The following UNC5D variants were observed in gnomAD, a reference collection of about 807,000 sequenced individuals.
UNC5D encodes netrin receptor UNC5D.
A neutral mutation model predicts 105.4 loss-of-function variants in UNC5D; 39 were observed. The ratio of observed to expected loss-of-function variants is 0.37; its 90% CI spans 0.29 to 0.48. UNC5D has a LOEUF of 0.48. Among genes scored for constraint, UNC5D ranks in the 20% least tolerant of loss-of-function variants. The probability of loss-of-function intolerance (pLI) is 0.98; values close to 1 mark genes in which losing one functional copy is unlikely to be tolerated. For missense variants in UNC5D, 991 were observed against 1,202.4 expected, an observed-to-expected ratio of 0.82 and a Z score of 2.60; for synonymous variants, 452 against 450.4, an observed-to-expected ratio of 1.00 and a Z score of -0.04.
chr8:35,429,647 TATAAC>T (rs1264007226), intron 1 of UNC5D, among the ~76,000 whole-genome samples: 4 of 152,192 alleles, frequency 2.6e-5, no homozygotes, highest in Non-Finnish European at 2.9e-5. Context: ...TTATCAATCT[TATAAC>T]AGTGCAATTT....
intron 1 of UNC5D, among the ~76,000 whole-genome samples, chr8:35,330,701 G>A (rs1810547283): frequency 6.6e-6 from 1 of 152,150 alleles, no homozygotes; most frequent in African/African-American, 2.4e-5. Flanking sequence ...ATATGAACGA[G>A]CCTGACTTTG....
intron 2 of UNC5D, among the ~76,000 whole-genome samples, chr8:35,552,213 A>G (rs1287748000): frequency 2.0e-5 from 3 of 152,206 alleles, no homozygotes; most frequent in African/African-American, 7.2e-5. Context: ...GAGAGAGCTT[A>G]GTGATAATCT....
At chr8:35,314,651 C>T (rs1465435255) in intron 1 of UNC5D, among the ~76,000 whole-genome samples, 4 of 152,108 alleles carry the variant, frequency 2.6e-5, no homozygotes, top group South Asian at 2.1e-4. Flanking sequence ...AAAGACATTT[C>T]GAACCTTCAA....
At position 35,616,573 on chromosome 8, in the gene UNC5D, G is replaced by A. The variant is rs542808857; in HGVS notation, c.570+20916G>A. Among the ~76,000 whole-genome samples the A allele has an allele frequency of 2.0e-5, 3 of 152,310 alleles. No individual in the cohort carries two copies. In the East Asian group the frequency reaches 5.8e-4, roughly 29 times the overall value. On this transcript the variant is annotated intron_variant, in intron 4 of 16. Coordinates refer to ENST00000404895, the MANE Select transcript of UNC5D (RefSeq NM_080872.4). The stretch of plus-strand genomic sequence containing the variant: ...CTTCTAGAGATGGTTTGGCAGGGTT[G>A]CTTAGTGCTGGTAACAACTTTGAGC...
intron 4 of UNC5D, 25 bp downstream of exon 4, chr8:35,595,682 C>A: frequency 1.9e-6 from 3 of 1,607,178 alleles, no homozygotes; most frequent in Non-Finnish European, 2.6e-6. Context: ...TGGGACCAGT[C>A]ACCGGGAGGA....
At chr8:35,443,528 G>A (rs1363614977) in intron 1 of UNC5D, among the ~76,000 whole-genome samples, 1 of 151,872 alleles carries the variant, frequency 6.6e-6, no homozygotes, top group Non-Finnish European at 1.5e-5. Flanking sequence ...GGTGGGTTTA[G>A]TTCTTTGGTG....
rs375754733 is a variant in UNC5D at position 35,722,194 on chromosome 8, C to A, written c.1118-16C>A. ...TGCCCATGCTGGTCACTTACAATTT[C>A]TCTTGTGTCTTTCAGGCATTGAGAA... On this transcript the variant is annotated splice_polypyrimidine_tract_variant and intron_variant, in intron 8 of 16. Transcript: ENST00000404895. The A allele has an allele frequency of 1.9e-6, 3 of 1,610,506 alleles. No homozygotes were observed. The highest frequency in any genetic ancestry group is 1.3e-5 in the African/African-American group (1 of 74,778).
At chr8:35,523,320 C>T (rs970355727) in intron 1 of UNC5D, among the ~76,000 whole-genome samples, 5 of 152,004 alleles carry the variant, frequency 3.3e-5, no homozygotes, top group Non-Finnish European at 7.4e-5. Flanking sequence ...TGGACATAAG[C>T]GTTCTTCCCA....
At chr8:35,768,107 G>GT (rs1441185985) in intron 15 of UNC5D, among the ~76,000 whole-genome samples, 1 of 151,676 alleles carries the variant, frequency 6.6e-6, no homozygotes, top group Non-Finnish European at 1.5e-5. Flanking sequence ...CAATTTCAAG[G>GT]TTTTTTCCTG....
intron 1 of UNC5D, among the ~76,000 whole-genome samples, chr8:35,323,784 C>T (rs1388347148): frequency 6.6e-6 from 1 of 152,278 alleles, no homozygotes; most frequent in East Asian, 1.9e-4. Context: ...CAGCATTACT[C>T]CATAATCTAT....
chr8:35,736,084 T>C (rs1829454295), intron 11 of UNC5D, among the ~76,000 whole-genome samples: 1 of 152,188 alleles, frequency 6.6e-6, no homozygotes, highest in Non-Finnish European at 1.5e-5. Flanking sequence ...GTATATGCTT[T>C]TCCTGGCACC....
At chr8:35,271,218 A>T (rs1490345255) in intron 1 of UNC5D, among the ~76,000 whole-genome samples, 1 of 148,296 alleles carries the variant, frequency 6.7e-6, no homozygotes, top group Non-Finnish European at 1.5e-5. Flanking sequence ...AATCTAAAAA[A>T]GTATACCTGT....
chr8:35,771,836 A>C (rs1162582929), intron 15 of UNC5D, among the ~76,000 whole-genome samples: 1 of 152,160 alleles, frequency 6.6e-6, no homozygotes, highest in African/African-American at 2.4e-5. Flanking sequence ...AGTTGTTAGG[A>C]TGTCAGAATT....
At chr8:35,425,541 G>A (rs958398433) in intron 1 of UNC5D, among the ~76,000 whole-genome samples, 3 of 152,138 alleles carry the variant, frequency 2.0e-5, no homozygotes, top group Non-Finnish European at 4.4e-5. Flanking sequence ...CAGCATGCCC[G>A]TGAGTTAAGT....
chr8:35,353,070 TA>T (rs1317157646), intron 1 of UNC5D, among the ~76,000 whole-genome samples: 3 of 152,128 alleles, frequency 2.0e-5, no homozygotes, highest in African/African-American at 7.2e-5. Context: ...CAAATTCAAC[TA>T]CATAAAAAAC....
intron 1 of UNC5D, among the ~76,000 whole-genome samples, chr8:35,432,033 A>G (rs1439705228): frequency 6.6e-6 from 1 of 152,142 alleles, no homozygotes; most frequent in Admixed American, 6.6e-5. Context: ...AAACTTCTTT[A>G]TTAAGTCACA....
chr8:35,458,049 T>C (rs1239107578), intron 1 of UNC5D, among the ~76,000 whole-genome samples: 1 of 152,108 alleles, frequency 6.6e-6, no homozygotes. Context: ...AGCTCTGTAG[T>C]GGACTGAGAG....
chr8:35,628,404 G>A (rs1302768356), intron 4 of UNC5D, among the ~76,000 whole-genome samples: 1 of 152,146 alleles, frequency 6.6e-6, no homozygotes, highest in Non-Finnish European at 1.5e-5. Context: ...AAAGTGCTAG[G>A]ATTACAGGTG....
chr8:35,685,617 T>G (rs1297457257), intron 6 of UNC5D, among the ~76,000 whole-genome samples: 1 of 152,206 alleles, frequency 6.6e-6, no homozygotes, highest in African/African-American at 2.4e-5. Flanking sequence ...ATTTATTGAG[T>G]GCTTACTATG....
Sources: allele counts gnomAD v4.1 joint callset (sites outside exome capture counted in the v4.1 genomes callset), GRCh38; gene constraint gnomAD v4.1.1; transcripts MANE v1.5; gene names NCBI Gene and HGNC (gene_info 2026-07-23, HGNC 2026-07-21).